HMGN4: variants seen among roughly 807,000 people sequenced by gnomAD.
HMGN4 encodes the protein high mobility group nucleosomal binding domain 4, also known as high mobility group nucleosome-binding domain-containing protein 4.
For missense variants in HMGN4, 69 were observed against 104.9 expected (o/e 0.66, Z 1.49); for synonymous variants, 39 against 39.1 (o/e 1.00, Z 0.01).
At chr6:26,539,636 A>T (rs1488273679) in intron 1 of HMGN4, among the ~76,000 whole-genome samples, 10 of 3,558 alleles carry the variant, frequency 2.8e-3, no homozygotes, top group Non-Finnish European at 5.3e-3. Flanking sequence ...CGCAAAATTA[A>T]AAAAAAAAAA....
At chr6:26,540,328 C>CTTTTTTT (rs11333869) in intron 1 of HMGN4, among the ~76,000 whole-genome samples, 1 of 144,118 alleles carries the variant, frequency 6.9e-6, no homozygotes. Flanking sequence ...GCCTGTGAAT[C>CTTTTTTT]TTTTTTTTTT....
chr6:26,540,232 T>C (rs1224954495), intron 1 of HMGN4, among the ~76,000 whole-genome samples: 3 of 152,192 alleles, frequency 2.0e-5, no homozygotes. Flanking sequence ...ATGCTGCGTC[T>C]CTAATACTTT....
At position 26,545,409 on chromosome 6, in the gene HMGN4, ACCCT is replaced by A; in HGVS notation, c.204_207del (p.Asn68LysfsTer44). 2 of 1,610,880 alleles carry A rather than the reference ACCCT, an allele frequency of 1.2e-6. No homozygotes were observed. The highest frequency in any genetic ancestry group is 3.4e-5 in the Admixed American group (2 of 59,096). On this transcript the variant is annotated frameshift_variant, in exon 2 of 2. Transcript: ENST00000377575. LOFTEE classifies it low-confidence loss of function (END_TRUNC). ...GCAGATGCTGGAAAGGATGGGAACA[ACCCT>A]GCAAAAAACCGAGATGCCTCTACAC... is the stretch of plus-strand genomic sequence containing the variant.
At chr6:26,541,593 C>A (rs1362538623) in intron 1 of HMGN4, among the ~76,000 whole-genome samples, 1 of 152,126 alleles carries the variant, frequency 6.6e-6, no homozygotes, top group Non-Finnish European at 1.5e-5. Context: ...ATAAGTACAC[C>A]AGTAATATTG....
At chr6:26,539,341 G>C (rs1032216550) in intron 1 of HMGN4, among the ~76,000 whole-genome samples, 2 of 152,194 alleles carry the variant, frequency 1.3e-5, no homozygotes, top group South Asian at 4.1e-4. Flanking sequence ...GGGGTGCAAT[G>C]GTGCGATCTC....
intron 1 of HMGN4, chr6:26,540,037 C>T (rs1764270911): frequency 6.6e-6 from 1 of 152,170 alleles, no homozygotes; most frequent in African/African-American, 2.4e-5. Context: ...GTGAGTGTGC[C>T]CCTAACCAAC....
chr6:26,545,399 G>T lies in HMGN4; in HGVS notation c.193G>T (p.Asp65Tyr). Reference sequence around the variant, plus strand: ...AAAGGGGAAAGCAGATGCTGGAAAGGATGGGAACAACCCTGCAAAAAACCG... The same window carrying T: ...AAAGGGGAAAGCAGATGCTGGAAAGTATGGGAACAACCCTGCAAAAAACCG... ...GRKGKADAGK[D>Y]GNNPAKNRDA... The change falls in exon 2 of 2, where the codon GAT (aspartate) becomes TAT (tyrosine). Residue 65 changes from aspartate to tyrosine, a missense_variant. Asp to Tyr is a radical substitution (Grantham distance 160). Coordinates refer to ENST00000377575, the MANE Select transcript of HMGN4 (RefSeq NM_006353.3). 6.2e-7 allele frequency: 1 copy of T among 1,613,770 alleles called. No individual in the cohort carries two copies. The highest frequency in any genetic ancestry group is 8.5e-7 in the Non-Finnish European group (1 of 1,179,924).
intron 1 of HMGN4, chr6:26,540,071 G>A (rs1409391206): frequency 6.6e-6 from 1 of 152,154 alleles, no homozygotes; most frequent in African/African-American, 2.4e-5. Context: ...TGACTGTTTG[G>A]GAGCTTATGG....
At chr6:26,543,841 T>C (rs1764318379) in intron 1 of HMGN4, among the ~76,000 whole-genome samples, 1 of 147,688 alleles carries the variant, frequency 6.8e-6, no homozygotes, top group African/African-American at 2.5e-5. Context: ...AATAACATTG[T>C]AGAATGGTGG....
chr6:26,539,952 T>A (rs992589853), intron 1 of HMGN4: 1 of 152,184 alleles, frequency 6.6e-6, no homozygotes, highest in Non-Finnish European at 1.5e-5. Context: ...GGTTCCAGGG[T>A]CCTAGGAGAT....
At chr6:26,541,022 C>A (rs1764281895) in intron 1 of HMGN4, among the ~76,000 whole-genome samples, 1 of 152,138 alleles carries the variant, frequency 6.6e-6, no homozygotes, top group South Asian at 2.1e-4. Flanking sequence ...CCAAATTAAT[C>A]TAATCCAAGA....
chr6:26,544,148 G>A (rs1234628619), intron 1 of HMGN4, among the ~76,000 whole-genome samples: 1 of 152,122 alleles, frequency 6.6e-6, no homozygotes, highest in African/African-American at 2.4e-5. Context: ...GTTTAAAGAA[G>A]AGAATGCAAC....
chr6:26,546,861 C>T lies in HMGN4; in HGVS notation c.*1382C>T, dbSNP rs1265434318. On this transcript the variant is annotated 3_prime_UTR_variant, in exon 2 of 2. Transcript: ENST00000377575. ...ATCTTTACAATGTTGTCTTCCAATA[C>T]ATGAATATGGTACAGCTCTTCATTT... Among the ~76,000 whole-genome samples the T allele has an allele frequency of 6.6e-6, 1 of 152,196 alleles. No individual in the cohort carries two copies. The highest frequency in any genetic ancestry group is 1.5e-5 in the Non-Finnish European group (1 of 68,026).
In HMGN4 at chr6:26,545,409, AC is replaced by A; in HGVS notation, c.206del (p.Pro69LeufsTer44). The A allele has an allele frequency of 6.2e-7, 1 of 1,610,882 alleles. No individual in the cohort carries two copies. Among genetic ancestry groups the A allele is most frequent in the Non-Finnish European group, 8.5e-7 (1 of 1,179,044 alleles). ...GCAGATGCTGGAAAGGATGGGAACAACCCTGCAAAAAACCGAGATGCCTCTA... is the reference window on the plus strand; with the variant it reads ...GCAGATGCTGGAAAGGATGGGAACAACCTGCAAAAAACCGAGATGCCTCTA... ...GKADAGKDGN[N>X]PAKNRDASTL... On this transcript the variant is annotated frameshift_variant, in exon 2 of 2. Coordinates refer to ENST00000377575, the MANE Select transcript of HMGN4 (RefSeq NM_006353.3). LOFTEE classifies it low-confidence loss of function (END_TRUNC).
chr6:26,545,603 G>GAC lies in HMGN4; in HGVS notation c.*127_*128dup. On this transcript the variant is annotated 3_prime_UTR_variant, in exon 2 of 2. Transcript: ENST00000377575. ...TTTAAGTTATGTTGTTAGCACACAG[G>GAC]ACACTTCCTTGTTGTCTTTTGTGGA... The GAC allele has an allele frequency of 1.3e-6, 1 of 767,822 alleles. No individual in the cohort carries two copies. The highest frequency in any genetic ancestry group is 1.8e-5 in the African/African-American group (1 of 55,610). The allele number at this position is 767,822 out of a possible 1,614,324, so 47.6% of individuals were successfully genotyped here.
intron 1 of HMGN4, among the ~76,000 whole-genome samples, chr6:26,539,067 A>C (rs1764254590): frequency 6.6e-6 from 1 of 152,158 alleles, no homozygotes; most frequent in Non-Finnish European, 1.5e-5. Context: ...TTGGCCTCTT[A>C]CCTCTGCCAC....
intron 1 of HMGN4, among the ~76,000 whole-genome samples, chr6:26,540,626 G>A (rs1764278409): frequency 1.3e-5 from 2 of 152,110 alleles, no homozygotes; most frequent in African/African-American, 2.4e-5. Flanking sequence ...GAGCCACCAC[G>A]CCCAGCATTT....
At position 26,540,359 on chromosome 6, in the gene HMGN4, G is replaced by A. The variant is rs537696299; in HGVS notation, c.-81+1858G>A. Among the ~76,000 whole-genome samples the A allele has an allele frequency of 3.5e-4, 53 of 149,788 alleles. No individual in the cohort carries two copies. In the East Asian group the frequency reaches 7.8e-3, roughly 22 times the overall value. On this transcript the variant is annotated intron_variant, in intron 1 of 1. Transcript: ENST00000377575. ...TTTTTTTTCTTTTTTTTTTGAGACC[G>A]GGTCTTGCTCTGTCACCCAGGCTGG...
In HMGN4 at chr6:26,542,459, T is replaced by C. The variant is rs1764299391; in HGVS notation, c.-80-2668T>C. 6.6e-6 allele frequency among the ~76,000 whole-genome samples: 1 copy of C among 152,218 alleles called. No homozygotes were observed. The highest frequency in any genetic ancestry group is 2.4e-5 in the African/African-American group (1 of 41,458). ...TTGTCAAGTGCATAACATCTACCAT[T>C]TTATAATATATGCCATTACAGTAGC... On this transcript the variant is annotated intron_variant, in intron 1 of 1. Transcript: ENST00000377575. The surrounding 1 kb of genome is among the most constrained non-coding windows in gnomAD (Gnocchi z 4.6).
Sources: gnomAD v4.1 joint callset for allele counts (sites outside exome capture counted in the v4.1 genomes callset) on GRCh38, gnomAD v4.1.1 for gene constraint, Gnocchi (gnomAD v3.1) non-coding constraint, MANE v1.5 for transcripts, NCBI Gene and HGNC (gene_info 2026-07-23, HGNC 2026-07-21) for gene names.